The following JPH3 variants were observed in gnomAD, a reference collection of about 807,000 sequenced individuals.
JPH3 encodes junctophilin-3.
In JPH3, 11 loss-of-function variants were observed where a neutral mutation model predicts 59.6. The ratio of observed to expected loss-of-function variants is 0.18; its 90% CI spans 0.12 to 0.31. JPH3 has a LOEUF of 0.31. JPH3 is among the 10% of genes least tolerant of loss of function. JPH3 has a pLI of 1.00. For synonymous variants in JPH3, 673 were observed against 483.6 expected, an observed-to-expected ratio of 1.39 and a Z score of -5.14; for missense variants, 1,202 against 1,105.7, an observed-to-expected ratio of 1.09 and a Z score of -1.24.
chr16:87,676,733 C>CA (rs200158733), intron 2 of JPH3, among the ~76,000 whole-genome samples: 10 of 146,466 alleles, frequency 6.8e-5, no homozygotes, highest in South Asian at 6.5e-4. Flanking sequence ...GACTCCATCT[C>CA]AAAAAAAAAA....
At chr16:87,683,220 G>C (rs949664986) in intron 2 of JPH3, among the ~76,000 whole-genome samples, 2 of 152,250 alleles carry the variant, frequency 1.3e-5, no homozygotes, top group Non-Finnish European at 2.9e-5. Flanking sequence ...ACAGCACAGC[G>C]GGCCGGCACC....
intron 2 of JPH3, among the ~76,000 whole-genome samples, chr16:87,673,487 C>T (rs2033069285): frequency 6.6e-6 from 1 of 152,156 alleles, no homozygotes; most frequent in Admixed American, 6.5e-5. Flanking sequence ...AGCGGCACTT[C>T]TGGAAGTATC....
chr16:87,685,741 C>T (rs368153701), intron 3 of JPH3, among the ~76,000 whole-genome samples: 21 of 152,354 alleles, frequency 1.4e-4, no homozygotes, highest in Middle Eastern at 3.4e-3. Flanking sequence ...TCCAGCCCTG[C>T]CTGCGACTCA....
At chr16:87,661,754 G>GA (rs2150859743) in intron 2 of JPH3, among the ~76,000 whole-genome samples, 1 of 152,366 alleles carries the variant, frequency 6.6e-6, no homozygotes, top group Admixed American at 6.5e-5. Flanking sequence ...ACGGGGCGGG[G>GA]AGAGAATTCA....
intron 1 of JPH3, among the ~76,000 whole-genome samples, chr16:87,606,346 G>A (rs947734767): frequency 1.3e-5 from 2 of 152,266 alleles, no homozygotes; most frequent in Non-Finnish European, 2.9e-5. Context: ...AGCGGCCAGC[G>A]TATTCCACAT....
chr16:87,648,287 A>G (rs1254824173), intron 2 of JPH3, among the ~76,000 whole-genome samples: 3 of 151,460 alleles, frequency 2.0e-5, no homozygotes, highest in Non-Finnish European at 4.4e-5. Flanking sequence ...GCCGCCCTGG[A>G]GAGTGAAGCT....
chr16:87,696,235 C>A, intron 4 of JPH3: 1 of 439,610 alleles, frequency 2.3e-6, no homozygotes, highest in Non-Finnish European at 4.3e-6. Context: ...GCACAAAGGC[C>A]ACACGCACCG....
rs771818439 is a variant in JPH3 at position 87,644,433 on chromosome 16, C to T, written c.558C>T (p.Ala186=). ...ALHPDASPAV[A]GSPAVSRGGF... ...ATCCCGACGCCTCTCCGGCGGTGGCCGGCAGCCCGGCCGTGTCCCGCGGGG... is the reference window on the plus strand; with the variant it reads ...ATCCCGACGCCTCTCCGGCGGTGGCTGGCAGCCCGGCCGTGTCCCGCGGGG... Residue 186 remains alanine (A), a synonymous_variant, in exon 2 of 5, where the codon GCC becomes GCT. Transcript: ENST00000284262. 93 of 1,611,938 alleles carry T rather than the reference C, an allele frequency of 5.8e-5. No homozygotes were observed. The African/African-American group carries it at 6.1e-4, about 11-fold the overall frequency.
At chr16:87,657,305 C>G (rs2032535763) in intron 2 of JPH3, among the ~76,000 whole-genome samples, 1 of 152,212 alleles carries the variant, frequency 6.6e-6, no homozygotes, top group African/African-American at 2.4e-5. Context: ...TGAAGGAAGC[C>G]TGTCACAAAA....
At chr16:87,695,793 C>T (rs2033814117) in intron 4 of JPH3, 2 of 456,054 alleles carry the variant, frequency 4.4e-6, no homozygotes, top group South Asian at 3.1e-5. Flanking sequence ...CAGAAGGGCG[C>T]CCCCGGAAAA....
chr16:87,682,218 G>GT (rs61017065), intron 2 of JPH3, among the ~76,000 whole-genome samples: 18,780 of 152,082 alleles, frequency 0.12, 1,393 homozygotes, highest in Admixed American at 0.19. Context: ...AATGTCATAG[G>GT]TTTTTTTTCT....
At chr16:87,648,703 C>T (rs958139134) in intron 2 of JPH3, among the ~76,000 whole-genome samples, 2 of 152,182 alleles carry the variant, frequency 1.3e-5, no homozygotes, top group Non-Finnish European at 2.9e-5. Flanking sequence ...AGGGTGGAGT[C>T]ACCATGGGTT....
At chr16:87,681,311 G>A (rs1343631863) in intron 2 of JPH3, among the ~76,000 whole-genome samples, 1 of 148,870 alleles carries the variant, frequency 6.7e-6, no homozygotes, top group African/African-American at 2.5e-5. Context: ...GGTGATGACA[G>A]TTCCGGGAGG....
intron 2 of JPH3, among the ~76,000 whole-genome samples, chr16:87,660,528 G>C (rs2032666604): frequency 6.6e-6 from 1 of 152,196 alleles, no homozygotes; most frequent in Non-Finnish European, 1.5e-5. Context: ...CACTGCTCAT[G>C]CTTCTGTCCT....
chr16:87,652,048 C>A (rs1392832905), intron 2 of JPH3, among the ~76,000 whole-genome samples: 1 of 152,006 alleles, frequency 6.6e-6, no homozygotes, highest in Non-Finnish European at 1.5e-5. Flanking sequence ...GATCTTGGCT[C>A]ACTGCAAGCT....
At chr16:87,688,540 T>A (rs1258028287) in intron 3 of JPH3, among the ~76,000 whole-genome samples, 4 of 151,554 alleles carry the variant, frequency 2.6e-5, no homozygotes, top group Non-Finnish European at 5.9e-5. Context: ...GCCAGGAGAA[T>A]GTCCGAGCGT....
At chr16:87,661,869 C>A (rs1221637632) in intron 2 of JPH3, among the ~76,000 whole-genome samples, 2 of 152,216 alleles carry the variant, frequency 1.3e-5, no homozygotes, top group African/African-American at 2.4e-5. Context: ...TGGCCCCCAG[C>A]AGGAAGCCTG....
chr16:87,644,427 G>T lies in JPH3; in HGVS notation c.552G>T (p.Ala184=). The stretch of plus-strand genomic sequence containing the variant: ...CGCTGCATCCCGACGCCTCTCCGGC[G>T]GTGGCCGGCAGCCCGGCCGTGTCCC... ...GTALHPDASP[A]VAGSPAVSRG... is the part of the protein sequence containing the mutation. The change falls in exon 2 of 5, where the codon GCG becomes GCT. Residue 184 remains alanine (A), a synonymous_variant. Transcript: ENST00000284262. The T allele has an allele frequency of 6.2e-7, 1 of 1,612,070 alleles. No homozygotes were observed. Among genetic ancestry groups the T allele is most frequent in the Non-Finnish European group, 8.5e-7 (1 of 1,179,384 alleles).
At position 87,602,890 on chromosome 16, in the gene JPH3, C is replaced by T. The variant is rs2030300909; in HGVS notation, c.-257C>T. 2.8e-5 allele frequency: 7 copies of T among 245,796 alleles called. No homozygotes were observed. The highest frequency in any genetic ancestry group is 2.5e-4 in the South Asian group (7 of 27,644). The allele number at this position is 245,796 out of a possible 1,614,324, so 15.2% of individuals were successfully genotyped here. On this transcript the variant is annotated 5_prime_UTR_variant, in exon 1 of 5. Transcript: ENST00000284262. ...TCCTCCCCTCCCCCTCCCCTCCGGT[C>T]CTGTCTCCAGCGGGAGCGCGAGACG...
Sources: allele counts gnomAD v4.1 joint callset (sites outside exome capture counted in the v4.1 genomes callset), GRCh38; gene constraint gnomAD v4.1.1; transcripts MANE v1.5; gene names NCBI Gene and HGNC (gene_info 2026-07-23, HGNC 2026-07-21).